The following ALKBH3 variants were observed in gnomAD, a reference collection of about 807,000 sequenced individuals.
The protein encoded by ALKBH3 is alkB homolog 3, alpha-ketoglutarate dependent dioxygenase, also known as alpha-ketoglutarate-dependent dioxygenase alkB homolog 3.
Under a neutral mutation model 43.9 loss-of-function variants are expected in ALKBH3, and 51 were observed. The observed-to-expected ratio is 1.16, with a 90% CI of 0.93 to 1.47. The LOEUF (loss-of-function observed/expected upper bound fraction) is 1.47, where lower values mean the gene tolerates loss of function less well. Among genes scored for constraint, ALKBH3 ranks in the 40% most tolerant of loss-of-function variants. The probability of loss-of-function intolerance (pLI) is 0.00; values close to 1 mark genes in which losing one functional copy is unlikely to be tolerated. For synonymous variants in ALKBH3, 102 were observed against 115.2 expected (o/e 0.89, Z 0.73); for missense variants, 361 against 351.9 (o/e 1.03, Z -0.21).
Position 43,889,829 on chromosome 11 carries a change from G to A in ALKBH3, c.370+1G>A. ...AAACAGAGGACTGGCATCAGAGAGG[G>A]TAAGTAGATCCCAGAGGTCACAGTT... is the stretch of plus-strand genomic sequence containing the variant. On this transcript the variant is annotated splice_donor_variant, in intron 6 of 9. Coordinates refer to ENST00000302708, the MANE Select transcript of ALKBH3 (RefSeq NM_139178.4). LOFTEE classifies it high-confidence loss of function. The A allele has an allele frequency of 6.2e-7, 1 of 1,609,174 alleles. No individual in the cohort carries two copies. Among genetic ancestry groups the A allele is most frequent in the Non-Finnish European group, 8.5e-7 (1 of 1,175,600 alleles).
chr11:43,882,898 G>A (rs1951721711), intron 2 of ALKBH3, 167 bp downstream of exon 2: 2 of 887,694 alleles, frequency 2.3e-6, no homozygotes, highest in South Asian at 3.7e-5. Flanking sequence ...AGCTAAGGGT[G>A]GGTCTTTAAT....
chr11:43,890,748 C>G (rs1951778185), intron 6 of ALKBH3, among the ~76,000 whole-genome samples: 1 of 152,166 alleles, frequency 6.6e-6, no homozygotes, highest in South Asian at 2.1e-4. Context: ...CCTGTAGTCC[C>G]AGCTACTCGG....
intron 8 of ALKBH3, among the ~76,000 whole-genome samples, chr11:43,907,638 T>C (rs1951905228): frequency 6.6e-6 from 1 of 152,112 alleles, no homozygotes; most frequent in Non-Finnish European, 1.5e-5. Context: ...ACAAGTCACA[T>C]TTTCATGGAG....
At chr11:43,884,057 T>C in intron 4 of ALKBH3, 40 bp downstream of exon 4, 1 of 1,611,278 alleles carries the variant, frequency 6.2e-7, no homozygotes, top group Non-Finnish European at 8.5e-7. Flanking sequence ...TTGCCCACAG[T>C]GAAATGAAGA....
At chr11:43,899,201 A>C in intron 7 of ALKBH3, 12 of 770,586 alleles carry the variant, frequency 1.6e-5, no homozygotes, top group East Asian at 2.5e-5. Flanking sequence ...TGTGCAGCTC[A>C]TAGACAAAGT....
intron 8 of ALKBH3, among the ~76,000 whole-genome samples, chr11:43,908,598 A>G (rs1273043906): frequency 3.3e-5 from 5 of 152,034 alleles, no homozygotes; most frequent in Non-Finnish European, 1.5e-5. Flanking sequence ...TGGAATGTTC[A>G]TCACATGATC....
rs369676759 is a variant in ALKBH3 at position 43,884,029 on chromosome 11, G to A, written c.218+12G>A. ...CCACGAGTGATTGAGTAAGTAATTT[G>A]CTGTCTTCCTGTAATTGTTGCCCAC... On this transcript the variant is annotated intron_variant, in intron 4 of 9. Transcript: ENST00000302708. 6 of 1,613,654 alleles carry A rather than the reference G, an allele frequency of 3.7e-6. No individual in the cohort carries two copies. The highest frequency in any genetic ancestry group is 4.2e-6 in the Non-Finnish European group (5 of 1,179,840).
chr11:43,887,163 G>A (rs1951752151), intron 5 of ALKBH3, among the ~76,000 whole-genome samples: 1 of 151,930 alleles, frequency 6.6e-6, no homozygotes, highest in Non-Finnish European at 1.5e-5. Flanking sequence ...AAATTCTTGG[G>A]GAGCAAAAAT....
intron 7 of ALKBH3, chr11:43,899,102 CATTG>C: frequency 1.3e-6 from 1 of 759,504 alleles, no homozygotes. Context: ...ACAAAGGGGA[CATTG>C]TCTTTAACAT....
At chr11:43,900,003 A>G (rs189202249) in intron 7 of ALKBH3, among the ~76,000 whole-genome samples, 1 of 152,142 alleles carries the variant, frequency 6.6e-6, no homozygotes, top group Non-Finnish European at 1.5e-5. Context: ...ATATACTTCA[A>G]TAAAAACAAC....
chr11:43,882,110 T>G (rs1225928134), intron 1 of ALKBH3, among the ~76,000 whole-genome samples: 1 of 152,202 alleles, frequency 6.6e-6, no homozygotes, highest in Non-Finnish European at 1.5e-5. Flanking sequence ...GACAAATACC[T>G]GTATCCATCC....
At chr11:43,892,550 TG>T (rs1021390018) in intron 7 of ALKBH3, among the ~76,000 whole-genome samples, 1 of 152,246 alleles carries the variant, frequency 6.6e-6, no homozygotes, top group African/African-American at 2.4e-5. Flanking sequence ...TTGTTAACTT[TG>T]TATTTATTCT....
intron 3 of ALKBH3, among the ~76,000 whole-genome samples, 161 bp downstream of exon 3, chr11:43,883,349 A>G (rs549197745): frequency 5.3e-5 from 8 of 152,354 alleles, no homozygotes; most frequent in Non-Finnish European, 1.0e-4. Flanking sequence ...GTTCCTTTCT[A>G]TGTCTGGGGA....
chr11:43,896,268 TACAC>T (rs71035662), intron 7 of ALKBH3, among the ~76,000 whole-genome samples: 26,321 of 147,216 alleles, frequency 0.18, 2,542 homozygotes, highest in Non-Finnish European at 0.24. Context: ...ATAGGATAGA[TACAC>T]ACACACACAC....
At position 43,882,698 on chromosome 11, in the gene ALKBH3, G is replaced by A; in HGVS notation, c.46G>A (p.Ala16Thr). 1 of 1,613,448 alleles carries A rather than the reference G, an allele frequency of 6.2e-7. No homozygotes were observed. The highest frequency in any genetic ancestry group is 1.1e-5 in the South Asian group (1 of 90,964). ...AGCCCGAGTTCAGGGAGCCTGGGCTGCCCCTGTTAAAAGCCAGGCCATTGC... is the reference window on the plus strand; with the variant it reads ...AGCCCGAGTTCAGGGAGCCTGGGCTACCCCTGTTAAAAGCCAGGCCATTGC... ...RRARVQGAWA[A>T]PVKSQAIAQP... Residue 16 changes from alanine to threonine, a missense_variant, in exon 2 of 10, where the codon GCC becomes ACC. By Grantham distance (58) the Ala-to-Thr change is moderately conservative. Transcript: ENST00000302708.
At chr11:43,902,012 A>G (rs757058831) in intron 8 of ALKBH3, among the ~76,000 whole-genome samples, 2 of 152,220 alleles carry the variant, frequency 1.3e-5, no homozygotes, top group African/African-American at 2.4e-5. Flanking sequence ...GTTGGGGTAG[A>G]TAAATATTGC....
chr11:43,890,100 G>T (rs918790885), intron 6 of ALKBH3, among the ~76,000 whole-genome samples: 1 of 151,578 alleles, frequency 6.6e-6, no homozygotes. Flanking sequence ...CTGAACTATG[G>T]CTGACATACT....
At chr11:43,890,005 C>G (rs376534935) in intron 6 of ALKBH3, among the ~76,000 whole-genome samples, 177 bp downstream of exon 6, 1 of 152,108 alleles carries the variant, frequency 6.6e-6, no homozygotes, top group Non-Finnish European at 1.5e-5. Flanking sequence ...GCAGGAGAAA[C>G]AGCAGGTGGA....
Position 43,883,199 on chromosome 11 carries a change from G to A in ALKBH3, c.183+11G>A. ...AAAGAACCTCAGCAGGTAAATTCAT[G>A]GTTTTTTCTTCAATAGTGATAAAAA... is the stretch of plus-strand genomic sequence containing the variant. On this transcript the variant is annotated intron_variant, in intron 3 of 9. Coordinates refer to ENST00000302708, the MANE Select transcript of ALKBH3 (RefSeq NM_139178.4). 6.2e-7 allele frequency: 1 copy of A among 1,603,838 alleles called. No individual in the cohort carries two copies. The highest frequency in any genetic ancestry group is 8.5e-7 in the Non-Finnish European group (1 of 1,173,400).
Sources: allele counts gnomAD v4.1 joint callset (sites outside exome capture counted in the v4.1 genomes callset), GRCh38; gene constraint gnomAD v4.1.1; transcripts MANE v1.5; gene names NCBI Gene and HGNC (gene_info 2026-07-23, HGNC 2026-07-21).